Variants in NAA35 observed in about 807,000 individuals in gnomAD.
NAA35 encodes the protein MAK10 homolog, amino-acid N-acetyltransferase subunit.
Under a neutral mutation model 101.7 loss-of-function variants are expected in NAA35, and 18 were observed. The ratio of observed to expected loss-of-function variants is 0.18; its 90% CI spans 0.12 to 0.26. The LOEUF (loss-of-function observed/expected upper bound fraction) is 0.26. Among genes scored for constraint, NAA35 ranks in the 10% least tolerant of loss-of-function variants. The pLI, the probability that NAA35 is intolerant of heterozygous loss-of-function variation, is 1.00. For missense variants in NAA35, 601 were observed against 886.8 expected, an observed-to-expected ratio of 0.68 and a Z score of 4.09; for synonymous variants, 267 against 273.1, an observed-to-expected ratio of 0.98 and a Z score of 0.22.
Position 85,942,069 on chromosome 9 carries a change from C to T in NAA35, c.-5-86C>T, listed in dbSNP as rs957660427. The T allele has an allele frequency of 7.2e-6, 11 of 1,536,650 alleles. No individual in the cohort carries two copies. The African/African-American group carries it at 1.4e-4, about 19-fold the overall frequency. On this transcript the variant is annotated intron_variant, in intron 1 of 22. Coordinates refer to ENST00000361671, the MANE Select transcript of NAA35 (RefSeq NM_024635.4). ...TTAAAGAGTTTAGTTAAGACTTCAT[C>T]CTATGCTGAAACAAACACCCATTTC...
At chr9:85,971,012 T>C (rs1564297923) in intron 6 of NAA35, among the ~76,000 whole-genome samples, 1 of 152,178 alleles carries the variant, frequency 6.6e-6, no homozygotes, top group Non-Finnish European at 1.5e-5. Context: ...TAAGCTCAGC[T>C]CCTCCACTTG....
chr9:86,021,401 C>T (rs1406801061), intron 22 of NAA35, among the ~76,000 whole-genome samples: 4 of 152,200 alleles, frequency 2.6e-5, no homozygotes, highest in Admixed American at 1.3e-4. Context: ...GTCATCATTT[C>T]AGAGCAGAGA....
intron 6 of NAA35, among the ~76,000 whole-genome samples, chr9:85,962,449 C>CCACTG (rs1829555681): frequency 7.4e-6 from 1 of 134,892 alleles, no homozygotes; most frequent in South Asian, 2.3e-4. Flanking sequence ...TGAGATTGTG[C>CCACTG]CACTGCACTC....
intron 11 of NAA35, among the ~76,000 whole-genome samples, chr9:85,985,095 GAA>G (rs1232080365): frequency 1.3e-5 from 2 of 152,150 alleles, no homozygotes; most frequent in African/African-American, 4.8e-5. Flanking sequence ...AAATCAAAAT[GAA>G]AAGTTACTGC....
intron 2 of NAA35, among the ~76,000 whole-genome samples, chr9:85,946,816 CTT>C (rs988153888): frequency 6.6e-6 from 1 of 152,008 alleles, no homozygotes; most frequent in African/African-American, 2.4e-5. Flanking sequence ...CGTAGTCAGT[CTT>C]TATTATTAGC....
intron 11 of NAA35, among the ~76,000 whole-genome samples, chr9:85,988,245 A>G (rs1830733997): frequency 1.3e-5 from 2 of 152,368 alleles, no homozygotes; most frequent in South Asian, 4.1e-4. Context: ...GTATTTATAC[A>G]CAAATATTCC....
Position 86,016,612 on chromosome 9 carries a change from G to A in NAA35, c.1642G>A (p.Glu548Lys). ...SRADGSQMAE[E>K]RIMEEQQKGR... The stretch of plus-strand genomic sequence containing the variant: ...TGCCGATGGCTCTCAAATGGCAGAG[G>A]AAAGGATAATGGAAGAGCAGCAGAA... The change falls in exon 18 of 23, where the codon GAA (glutamate) becomes AAA (lysine). Residue 548 changes from glutamate (E) to lysine (K), a missense_variant. Physicochemically the swap from Glu to Lys is moderately conservative, Grantham distance 56. Coordinates refer to ENST00000361671, the MANE Select transcript of NAA35 (RefSeq NM_024635.4). The A allele has an allele frequency of 6.2e-7, 1 of 1,613,908 alleles. No individual in the cohort carries two copies. Among genetic ancestry groups the A allele is most frequent in the Non-Finnish European group, 8.5e-7 (1 of 1,179,966 alleles).
chr9:85,995,086 A>G (rs1235439375), intron 11 of NAA35, among the ~76,000 whole-genome samples: 2 of 152,082 alleles, frequency 1.3e-5, no homozygotes, highest in Non-Finnish European at 2.9e-5. Flanking sequence ...TTCTGTTATT[A>G]GTAATGAAGA....
intron 1 of NAA35, 81 bp from the exon 2 acceptor site, chr9:85,942,074 G>T: frequency 6.5e-7 from 1 of 1,548,900 alleles, no homozygotes. Flanking sequence ...TTCATCCTAT[G>T]CTGAAACAAA....
At chr9:85,976,382 T>G (rs1432468762) in intron 8 of NAA35, among the ~76,000 whole-genome samples, 4 of 152,194 alleles carry the variant, frequency 2.6e-5, no homozygotes, top group Admixed American at 1.3e-4. Flanking sequence ...TCAATTAATA[T>G]CTCCTTTTAA....
chr9:86,007,293 C>A, intron 13 of NAA35, 65 bp from the exon 14 acceptor site: 2 of 1,180,416 alleles, frequency 1.7e-6, no homozygotes, highest in Non-Finnish European at 2.5e-6. Flanking sequence ...TATAAGTATA[C>A]TGATTTTACA....
chr9:85,946,113 C>T (rs954835788), intron 2 of NAA35, among the ~76,000 whole-genome samples: 2 of 150,784 alleles, frequency 1.3e-5, no homozygotes, highest in Admixed American at 1.3e-4. Context: ...GGCTTGCTTT[C>T]TTAAAAAAAA....
chr9:85,952,043 C>G (rs1439113219), intron 2 of NAA35, among the ~76,000 whole-genome samples: 1 of 152,128 alleles, frequency 6.6e-6, no homozygotes. Context: ...GAAAGCTCTT[C>G]TAAGTATTGG....
intron 13 of NAA35, among the ~76,000 whole-genome samples, chr9:86,007,034 T>G (rs1365995105): frequency 6.6e-6 from 1 of 152,260 alleles, no homozygotes. Flanking sequence ...TATAGCCATT[T>G]ACTATTTCAT....
At chr9:85,959,755 A>G in intron 4 of NAA35, 38 bp from the exon 5 acceptor site, 2 of 1,490,860 alleles carry the variant, frequency 1.3e-6, no homozygotes, top group Non-Finnish European at 1.8e-6. Context: ...AGTTTAAAAA[A>G]ATTTCTGCTT....
rs1207956697 is a variant in NAA35 at position 86,014,258 on chromosome 9, GTCT to G, written c.1568+366_1568+368del. On this transcript the variant is annotated intron_variant, in intron 17 of 22. Transcript: ENST00000361671. ...TAAACATCAAATTGGAATGAGGTCT[GTCT>G]TCTTGGAAGAAATCATGACCAAGGT... The G allele has an allele frequency of 2.4e-5, 10 of 416,700 alleles. No homozygotes were observed. In the South Asian group the frequency reaches 5.0e-4, roughly 21 times the overall value. 25.8% of individuals were successfully genotyped at this position (416,700 alleles called of 1,614,324 possible). A position where few individuals can be genotyped will look rare whatever the true frequency, so the allele number is the denominator to read the frequency against.
intron 6 of NAA35, among the ~76,000 whole-genome samples, chr9:85,962,506 AAAAG>A (rs1554770465): frequency 2.6e-5 from 4 of 151,664 alleles, no homozygotes; most frequent in Middle Eastern, 3.4e-3. Context: ...AAAAAAAAAA[AAAAG>A]AAAGAAAAAA....
intron 13 of NAA35, among the ~76,000 whole-genome samples, chr9:86,004,438 CA>C (rs55743600): frequency 0.99 from 150,928 of 151,904 alleles, 74,981 homozygotes; most frequent in Middle Eastern, 1. Context: ...GTGATCCCAC[CA>C]ACTGCATTCC....
intron 8 of NAA35, 99 bp downstream of exon 8, chr9:85,975,256 A>G: frequency 8.4e-7 from 1 of 1,197,130 alleles, no homozygotes; most frequent in African/African-American, 1.5e-5. Flanking sequence ...TTTCTCCTGT[A>G]TGTGCTTTGT....
Sources: gnomAD v4.1 joint callset for allele counts (sites outside exome capture counted in the v4.1 genomes callset) on GRCh38, gnomAD v4.1.1 for gene constraint, MANE v1.5 for transcripts, NCBI Gene and HGNC (gene_info 2026-07-23, HGNC 2026-07-21) for gene names.